The following CERS6 variants were observed in gnomAD, a reference collection of about 807,000 sequenced individuals.
The protein encoded by CERS6 is LAG1 homolog, ceramide synthase 6.
In CERS6, 26 loss-of-function variants were observed where a neutral mutation model predicts 56.8. The ratio of observed to expected loss-of-function variants is 0.46; its 90% CI spans 0.34 to 0.63. The LOEUF (loss-of-function observed/expected upper bound fraction) is 0.63, where lower values mean the gene tolerates loss of function less well. Among genes scored for constraint, CERS6 ranks in the 30% least tolerant of loss-of-function variants. CERS6 has a pLI of 0.01. For missense variants in CERS6, 415 were observed against 467.5 expected (o/e 0.89, Z 1.04); for synonymous variants, 164 against 173.3 (o/e 0.95, Z 0.42).
At chr2:168,671,503 A>G (rs1333906517) in intron 4 of CERS6, among the ~76,000 whole-genome samples, 1 of 152,198 alleles carries the variant, frequency 6.6e-6, no homozygotes, top group African/African-American at 2.4e-5. Flanking sequence ...GACTAACTGT[A>G]ATTTTCCTCT....
chr2:168,532,978 A>T (rs1302513368), intron 1 of CERS6, among the ~76,000 whole-genome samples: 1 of 152,210 alleles, frequency 6.6e-6, no homozygotes, highest in Non-Finnish European at 1.5e-5. Flanking sequence ...CTTTAAAATA[A>T]ATATAAAGTG....
At chr2:168,491,632 CT>C (rs1403439106) in intron 1 of CERS6, among the ~76,000 whole-genome samples, 1 of 151,866 alleles carries the variant, frequency 6.6e-6, no homozygotes, top group African/African-American at 2.4e-5. Context: ...TCTAGCTTCT[CT>C]TTTTTTTAAA....
chr2:168,760,738 G>GTTTGTTTGTTTATTTATTTATTTA (rs376070301), intron 8 of CERS6, among the ~76,000 whole-genome samples: 1 of 129,224 alleles, frequency 7.7e-6, no homozygotes, highest in African/African-American at 2.6e-5. Context: ...TTTACTGTTT[G>GTTTGTTTGTTTATTTATTTATTTA]TTTATTTATT....
At chr2:168,657,780 G>A (rs1033909535) in intron 4 of CERS6, among the ~76,000 whole-genome samples, 12 of 152,206 alleles carry the variant, frequency 7.9e-5, no homozygotes, top group Non-Finnish European at 1.2e-4. Context: ...CAGCTGGCCC[G>A]CAAGCGCCGC....
chr2:168,688,057 G>A (rs559531766), intron 4 of CERS6, among the ~76,000 whole-genome samples: 84 of 152,198 alleles, frequency 5.5e-4, no homozygotes, highest in Non-Finnish European at 1.0e-3. Context: ...ATGCTGTAAC[G>A]TCATGTGAAA....
chr2:168,529,496 T>C (rs551119505), intron 1 of CERS6, among the ~76,000 whole-genome samples: 26 of 152,294 alleles, frequency 1.7e-4, no homozygotes, highest in Non-Finnish European at 2.5e-4. Flanking sequence ...GTACCGATCA[T>C]TGATGACCAA....
At chr2:168,705,799 A>T (rs1040428320) in intron 6 of CERS6, among the ~76,000 whole-genome samples, 8 of 152,102 alleles carry the variant, frequency 5.3e-5, no homozygotes, top group African/African-American at 1.7e-4. Flanking sequence ...GGTTTATTTG[A>T]TATCATAAAG....
chr2:168,520,314 A>G (rs1216356046), intron 1 of CERS6, among the ~76,000 whole-genome samples: 1 of 152,156 alleles, frequency 6.6e-6, no homozygotes, highest in Non-Finnish European at 1.5e-5. Flanking sequence ...AGTTCCTTAT[A>G]GATTCTGGAT....
chr2:168,716,323 C>T (rs1388923391), intron 7 of CERS6, among the ~76,000 whole-genome samples: 1 of 152,076 alleles, frequency 6.6e-6, no homozygotes, highest in Non-Finnish European at 1.5e-5. Context: ...CTTAAGTTTG[C>T]TTGAATGTAG....
intron 8 of CERS6, among the ~76,000 whole-genome samples, chr2:168,724,335 C>A (rs1245880695): frequency 1.3e-5 from 2 of 152,004 alleles, no homozygotes; most frequent in Non-Finnish European, 2.9e-5. Context: ...CAGTGTGGAC[C>A]CAAAGAGTGA....
In CERS6 at chr2:168,756,897, A is replaced by G. The variant is rs1372815171; in HGVS notation, c.846-8695A>G. ...GGGATAATAACAGGACACACTGTGG[A>G]AAAAAAAGAAATAGAAGTTATCCCA... On this transcript the variant is annotated intron_variant, in intron 8 of 9. Transcript: ENST00000305747. 3.3e-5 allele frequency among the ~76,000 whole-genome samples: 5 copies of G among 152,172 alleles called. No homozygotes were observed. The East Asian group carries it at 5.8e-4, about 18-fold the overall frequency.
At chr2:168,739,349 A>T (rs149268306) in intron 8 of CERS6, among the ~76,000 whole-genome samples, 123 of 152,276 alleles carry the variant, frequency 8.1e-4, no homozygotes, top group African/African-American at 2.8e-3. Context: ...ACCATGAGCA[A>T]AAGCGGAGAG....
At chr2:168,515,758 A>G (rs1694873693) in intron 1 of CERS6, among the ~76,000 whole-genome samples, 1 of 152,230 alleles carries the variant, frequency 6.6e-6, no homozygotes, top group Admixed American at 6.5e-5. Flanking sequence ...TATTTTTGAA[A>G]GTACTTGTTG....
intron 4 of CERS6, among the ~76,000 whole-genome samples, chr2:168,680,984 G>A (rs1686201395): frequency 1.3e-5 from 2 of 152,226 alleles, no homozygotes. Flanking sequence ...CCCAGGAGAT[G>A]CTAAGTTCCC....
At chr2:168,534,129 C>G (rs1186697227) in intron 1 of CERS6, among the ~76,000 whole-genome samples, 1 of 152,048 alleles carries the variant, frequency 6.6e-6, no homozygotes, top group Non-Finnish European at 1.5e-5. Context: ...CACCTTTTAT[C>G]AAGGTTCTTA....
chr2:168,725,033 G>A (rs892263301), intron 8 of CERS6, among the ~76,000 whole-genome samples: 3 of 152,234 alleles, frequency 2.0e-5, no homozygotes, highest in African/African-American at 7.2e-5. Flanking sequence ...CAGGTCCCAA[G>A]CCCTGCCCCA....
At chr2:168,531,810 G>C (rs1257199630) in intron 1 of CERS6, among the ~76,000 whole-genome samples, 2 of 146,062 alleles carry the variant, frequency 1.4e-5, no homozygotes, top group Non-Finnish European at 3.0e-5. Context: ...AACAGAGCGA[G>C]ACTCTGTCTC....
chr2:168,511,802 G>A (rs1319822257), intron 1 of CERS6, among the ~76,000 whole-genome samples: 3 of 152,048 alleles, frequency 2.0e-5, no homozygotes, highest in Non-Finnish European at 2.9e-5. Context: ...TATAAGTTTT[G>A]ACAAATGCAT....
intron 1 of CERS6, among the ~76,000 whole-genome samples, chr2:168,511,397 T>C (rs1191837266): frequency 2.0e-5 from 3 of 152,216 alleles, no homozygotes; most frequent in Non-Finnish European, 4.4e-5. Context: ...ATCATCCTCC[T>C]TCCTTTGAAA....
Sources: gnomAD v4.1 joint callset for allele counts (sites outside exome capture counted in the v4.1 genomes callset) on GRCh38, gnomAD v4.1.1 for gene constraint, MANE v1.5 for transcripts, NCBI Gene and HGNC (gene_info 2026-07-23, HGNC 2026-07-21) for gene names.